KCNQ1: variants seen among roughly 807,000 people sequenced by gnomAD.
KCNQ1 encodes the protein potassium voltage-gated channel subfamily Q member 1, also known as potassium voltage-gated channel subfamily KQT member 1.
In KCNQ1, 49 loss-of-function variants were observed where a neutral mutation model predicts 72.4. The ratio of observed to expected loss-of-function variants is 0.68; its 90% CI spans 0.54 to 0.86. KCNQ1 has a LOEUF of 0.86. Ranked by LOEUF, KCNQ1 falls within the 40% of genes least tolerant of loss-of-function variation. KCNQ1 has a pLI of 0.00. For missense variants in KCNQ1, 790 were observed against 945.1 expected, an observed-to-expected ratio of 0.84 and a Z score of 2.15; for synonymous variants, 450 against 412.6, an observed-to-expected ratio of 1.09 and a Z score of -1.10.
chr11:2,566,166 T>C lies in KCNQ1; in HGVS notation c.478-4462T>C, dbSNP rs1335690481. The stretch of plus-strand genomic sequence containing the variant: ...TACCCTCTCTCTCCCAGGGCCACTT[T>C]TGCAGCCTGGTGTCCTTATCTCATG... On this transcript the variant is annotated intron_variant, in intron 2 of 15. Transcript: ENST00000155840. The surrounding 1 kb of genome is among the most constrained non-coding windows in gnomAD (Gnocchi z 6.7). Among the ~76,000 whole-genome samples, 3 of 152,160 alleles carry C rather than the reference T, an allele frequency of 2.0e-5. No homozygotes were observed. The highest frequency in any genetic ancestry group is 6.5e-5 in the Admixed American group (1 of 15,282).
Position 2,477,555 on chromosome 11 carries a change from T to C in KCNQ1, c.386+32071T>C, listed in dbSNP as rs942042290. On this transcript the variant is annotated intron_variant, in intron 1 of 15. Coordinates refer to ENST00000155840, the MANE Select transcript of KCNQ1 (RefSeq NM_000218.3). The surrounding 1 kb of genome is among the most constrained non-coding windows in gnomAD (Gnocchi z 5.0). ...CCAGTGATATGTACACAGAGAGCAA[T>C]GAAAATCCTCATTATGATGGCAGAC... Among the ~76,000 whole-genome samples, 1 of 151,850 alleles carries C rather than the reference T, an allele frequency of 6.6e-6. No homozygotes were observed. Among genetic ancestry groups the C allele is most frequent in the African/African-American group, 2.4e-5 (1 of 41,320 alleles).
chr11:2,670,254 G>T lies in KCNQ1; in HGVS notation c.1514+8173G>T, dbSNP rs2283183. ...TTGACCCTGCACATGACGGGCGAGGGAAGAGGACCATGGTAGCTTGTCTCT... is the reference window on the plus strand; with the variant it reads ...TTGACCCTGCACATGACGGGCGAGGTAAGAGGACCATGGTAGCTTGTCTCT... On this transcript the variant is annotated intron_variant, in intron 11 of 15. Coordinates refer to ENST00000155840, the MANE Select transcript of KCNQ1 (RefSeq NM_000218.3). This position sits in a 1 kb window ranked among gnomAD's most constrained non-coding sequence, Gnocchi z 4.9. 0.014 allele frequency: 5,615 copies of T among 398,546 alleles called. 192 individuals carry two copies. Among genetic ancestry groups the T allele is most frequent in the East Asian group, 0.095 (2,657 of 28,064 alleles). The allele number at this position is 398,546 out of a possible 1,614,324, so 24.7% of individuals were successfully genotyped here. A position where few individuals can be genotyped will look rare whatever the true frequency, so the allele number is the denominator to read the frequency against.
intron 1 of KCNQ1, among the ~76,000 whole-genome samples, chr11:2,519,450 A>G (rs1038258124): frequency 2.0e-5 from 3 of 152,320 alleles, no homozygotes; most frequent in East Asian, 1.9e-4. Flanking sequence ...ATTTTTAATT[A>G]TGTTTTAAAA....
intron 10 of KCNQ1, chr11:2,615,416 A>G (rs1323194612): frequency 2.8e-5 from 11 of 397,904 alleles, no homozygotes; most frequent in Non-Finnish European, 4.4e-5. Flanking sequence ...CCTAATTGTC[A>G]TGGTTAAAAC....
In KCNQ1 at chr11:2,768,723, G is replaced by T; in HGVS notation, c.1515-121G>T. 1 of 806,090 alleles carries T rather than the reference G, an allele frequency of 1.2e-6. No individual in the cohort carries two copies. Among genetic ancestry groups the T allele is most frequent in the South Asian group, 1.4e-5 (1 of 71,164 alleles). 49.9% of individuals were successfully genotyped at this position (806,090 alleles called of 1,614,324 possible). ...CTAAGTATCTCCATCCCATGGAGTTGAACACTCTCCTTGTTTCTGGAAGGA... is the reference window on the plus strand; with the variant it reads ...CTAAGTATCTCCATCCCATGGAGTTTAACACTCTCCTTGTTTCTGGAAGGA... On this transcript the variant is annotated intron_variant, in intron 11 of 15. Transcript: ENST00000155840. This position sits in a 1 kb window ranked among gnomAD's most constrained non-coding sequence, Gnocchi z 6.7.
Position 2,725,139 on chromosome 11 carries a change from G to A in KCNQ1, c.1515-43705G>A, listed in dbSNP as rs1845736980. ...CGTTTCAGCTCCAGGGGAGAGCCAG[G>A]GCAGGGTGGGGCAGGCACGGATTCC... is the stretch of plus-strand genomic sequence containing the variant. On this transcript the variant is annotated intron_variant, in intron 11 of 15. Transcript: ENST00000155840. This position sits in a 1 kb window ranked among gnomAD's most constrained non-coding sequence, Gnocchi z 7.2. Among the ~76,000 whole-genome samples the A allele has an allele frequency of 6.6e-6, 1 of 152,202 alleles. No homozygotes were observed. The highest frequency in any genetic ancestry group is 1.5e-5 in the Non-Finnish European group (1 of 68,036).
intron 11 of KCNQ1, chr11:2,688,458 G>A (rs577559794): frequency 1.3e-5 from 5 of 398,744 alleles, no homozygotes; most frequent in South Asian, 2.5e-4. Context: ...TATTTCACAG[G>A]AGAACACCAC....
At chr11:2,843,421 C>A (rs988449811) in intron 15 of KCNQ1, among the ~76,000 whole-genome samples, 1 of 152,236 alleles carries the variant, frequency 6.6e-6, no homozygotes, top group Non-Finnish European at 1.5e-5. Flanking sequence ...CTTTGCCCTG[C>A]GACCCTACAG....
Position 2,516,822 on chromosome 11 carries a change from G to T in KCNQ1, c.387-11106G>T, listed in dbSNP as rs961586701. ...CCAGAGGTGTGCCAGGGCTGCACTG[G>T]GCTCTTCTGGTGGGGAGGGACATTG... On this transcript the variant is annotated intron_variant, in intron 1 of 15. Transcript: ENST00000155840. The surrounding 1 kb of genome is among the most constrained non-coding windows in gnomAD (Gnocchi z 7.0). 3.9e-5 allele frequency among the ~76,000 whole-genome samples: 6 copies of T among 152,216 alleles called. No individual in the cohort carries two copies. The highest frequency in any genetic ancestry group is 6.5e-5 in the Admixed American group (1 of 15,292).
chr11:2,520,245 C>T (rs541004414), intron 1 of KCNQ1, among the ~76,000 whole-genome samples: 4 of 152,226 alleles, frequency 2.6e-5, no homozygotes, highest in Admixed American at 6.5e-5. Context: ...TGGGACCAGA[C>T]GTGCCTCACC....
chr11:2,545,600 T>C (rs968135719), intron 2 of KCNQ1, among the ~76,000 whole-genome samples: 5 of 152,220 alleles, frequency 3.3e-5, no homozygotes, highest in Admixed American at 3.3e-4. Context: ...GATAATTACA[T>C]TGAGGTGATT....
chr11:2,556,165 C>T (rs1848067259), intron 2 of KCNQ1, among the ~76,000 whole-genome samples: 1 of 152,104 alleles, frequency 6.6e-6, no homozygotes, highest in Non-Finnish European at 1.5e-5. Flanking sequence ...CCATACAGCG[C>T]CCCCCGGCCG....
At chr11:2,551,267 G>T (rs1847979377) in intron 2 of KCNQ1, among the ~76,000 whole-genome samples, 1 of 152,172 alleles carries the variant, frequency 6.6e-6, no homozygotes, top group Admixed American at 6.5e-5. Flanking sequence ...CCCACTGGCG[G>T]CTAGCCCCTC....
chr11:2,501,474 C>T (rs1029058428), intron 1 of KCNQ1, among the ~76,000 whole-genome samples: 2 of 151,726 alleles, frequency 1.3e-5, no homozygotes, highest in South Asian at 4.1e-4. Context: ...CAAGATTGAA[C>T]CAGGAAGAAA....
rs981373489 is a variant in KCNQ1, at chr11:2,603,236, A to C, written c.1393+14382A>C. Among the ~76,000 whole-genome samples, 1 of 152,226 alleles carries C rather than the reference A, an allele frequency of 6.6e-6. No individual in the cohort carries two copies. ...TTATATTGTAGTCTATTAAGTGTGC[A>C]ATAGCCCCATGTCTAAGAAAACAAT... is the stretch of plus-strand genomic sequence containing the variant. On this transcript the variant is annotated intron_variant, in intron 10 of 15. Coordinates refer to ENST00000155840, the MANE Select transcript of KCNQ1 (RefSeq NM_000218.3). The surrounding 1 kb of genome is among the most constrained non-coding windows in gnomAD (Gnocchi z 4.1).
chr11:2,616,714 A>G (rs1348000625), intron 10 of KCNQ1: 2 of 398,084 alleles, frequency 5.0e-6, no homozygotes, highest in Non-Finnish European at 4.4e-6. Flanking sequence ...CTTCTGTTAC[A>G]GATTTCTGGC....
In KCNQ1 at chr11:2,664,742, G is replaced by A; in HGVS notation, c.1514+2661G>A. On this transcript the variant is annotated intron_variant, in intron 11 of 15. Coordinates refer to ENST00000155840, the MANE Select transcript of KCNQ1 (RefSeq NM_000218.3). The surrounding 1 kb of genome is among the most constrained non-coding windows in gnomAD (Gnocchi z 5.1). ...CGCCCTGGTGTGTGTGAGGGACAGG[G>A]ATGTGTGCTGGGGTCTCACAGGGGG... 1 of 398,780 alleles carries A rather than the reference G, an allele frequency of 2.5e-6. No individual in the cohort carries two copies. Among genetic ancestry groups the A allele is most frequent in the Non-Finnish European group, 4.4e-6 (1 of 226,178 alleles). 24.7% of individuals were successfully genotyped at this position (398,780 alleles called of 1,614,324 possible).
chr11:2,720,258 G>A lies in KCNQ1; in HGVS notation c.1515-48586G>A, dbSNP rs551747737. 6.6e-6 allele frequency among the ~76,000 whole-genome samples: 1 copy of A among 152,286 alleles called. No individual in the cohort carries two copies. The highest frequency in any genetic ancestry group is 1.9e-4 in the East Asian group (1 of 5,174). On this transcript the variant is annotated intron_variant, in intron 11 of 15. Coordinates refer to ENST00000155840, the MANE Select transcript of KCNQ1 (RefSeq NM_000218.3). The surrounding 1 kb of genome is among the most constrained non-coding windows in gnomAD (Gnocchi z 5.1). Reference sequence around the variant, plus strand: ...CCTTGCCATTTGTTATCTTTAAAAAGTATCGGTGGGCTCATGGGGGCTTGA... The same window carrying A: ...CCTTGCCATTTGTTATCTTTAAAAAATATCGGTGGGCTCATGGGGGCTTGA...
rs1014072461 is a variant in KCNQ1 at position 2,654,824 on chromosome 11, G to A, written c.1394-7137G>A. The A allele has an allele frequency of 7.5e-6, 3 of 398,484 alleles. No individual in the cohort carries two copies. Among genetic ancestry groups the A allele is most frequent in the African/African-American group, 2.1e-5 (1 of 48,590 alleles). 24.7% of individuals were successfully genotyped at this position (398,484 alleles called of 1,614,324 possible). A position where few individuals can be genotyped will look rare whatever the true frequency, so the allele number is the denominator to read the frequency against. ...AGCCTCAAAGACTTTCATGATAGGA[G>A]AGCTCTATGTAGCCTCATGGGCAGC... is the stretch of plus-strand genomic sequence containing the variant. On this transcript the variant is annotated intron_variant, in intron 10 of 15. Transcript: ENST00000155840. The surrounding 1 kb of genome is among the most constrained non-coding windows in gnomAD (Gnocchi z 6.4).
Sources: allele counts gnomAD v4.1 joint callset (sites outside exome capture counted in the v4.1 genomes callset), GRCh38; gene constraint gnomAD v4.1.1; non-coding constraint Gnocchi (gnomAD v3.1); transcripts MANE v1.5; gene names NCBI Gene and HGNC (gene_info 2026-07-23, HGNC 2026-07-21).